STX8: variants seen among roughly 807,000 people sequenced by gnomAD.
STX8 encodes the protein syntaxin-8.
In STX8, 23 loss-of-function variants were observed where a neutral mutation model predicts 37.5. That is an observed-to-expected ratio of 0.61 (90% CI 0.44 to 0.87). The LOEUF (loss-of-function observed/expected upper bound fraction) is 0.87. STX8 is among the 40% of genes least tolerant of loss of function. The pLI, the probability that STX8 is intolerant of heterozygous loss-of-function variation, is 0.00. For synonymous variants in STX8, 115 were observed against 99.1 expected (o/e 1.16, Z -0.95); for missense variants, 313 against 284.7 (o/e 1.10, Z -0.71).
intron 6 of STX8, among the ~76,000 whole-genome samples, chr17:9,436,218 G>A (rs1207141742): frequency 5.3e-5 from 8 of 151,710 alleles, no homozygotes; most frequent in East Asian, 1.9e-4. Flanking sequence ...GGTGACGGGC[G>A]CCTGTAGTCC....
At chr17:9,287,998 T>A (rs2142159752) in intron 7 of STX8, among the ~76,000 whole-genome samples, 1 of 147,116 alleles carries the variant, frequency 6.8e-6, no homozygotes, top group South Asian at 2.2e-4. Context: ...TCCACCCGCC[T>A]CGGCTTCCCA....
chr17:9,528,681 A>G (rs922968366), intron 4 of STX8, among the ~76,000 whole-genome samples: 2 of 152,228 alleles, frequency 1.3e-5, no homozygotes, highest in African/African-American at 4.8e-5. Flanking sequence ...TCATTTCCCC[A>G]TGATGGAAGC....
At chr17:9,419,086 A>T (rs1466592055) in intron 6 of STX8, among the ~76,000 whole-genome samples, 2 of 151,070 alleles carry the variant, frequency 1.3e-5, no homozygotes, top group African/African-American at 2.4e-5. Context: ...ATCATCCCTA[A>T]TTTTTTTCAA....
chr17:9,541,092 C>T (rs1460244072), intron 4 of STX8, among the ~76,000 whole-genome samples: 4 of 152,196 alleles, frequency 2.6e-5, no homozygotes, highest in African/African-American at 4.8e-5. Context: ...CACTAACCTG[C>T]CAAATTCCCT....
At chr17:9,381,246 G>GTTT (rs11421158) in intron 6 of STX8, among the ~76,000 whole-genome samples, 18 of 142,934 alleles carry the variant, frequency 1.3e-4, no homozygotes, top group African/African-American at 4.6e-4. Context: ...TTTTCATTTT[G>GTTT]TTTTTTTTTT....
chr17:9,531,204 T>C (rs1232118936), intron 4 of STX8, among the ~76,000 whole-genome samples: 1 of 152,250 alleles, frequency 6.6e-6, no homozygotes, highest in African/African-American at 2.4e-5. Context: ...TAACTGGTCA[T>C]GTGAGTCCTC....
intron 7 of STX8, among the ~76,000 whole-genome samples, chr17:9,268,593 T>C (rs1567760954): frequency 6.6e-6 from 1 of 152,200 alleles, no homozygotes; most frequent in Non-Finnish European, 1.5e-5. Flanking sequence ...GAACAGCAGA[T>C]TATCTGAGGA....
At chr17:9,412,269 A>T (rs1913004897) in intron 6 of STX8, among the ~76,000 whole-genome samples, 1 of 152,022 alleles carries the variant, frequency 6.6e-6, no homozygotes, top group South Asian at 2.1e-4. Context: ...CTTGTAACTA[A>T]TCACAGCAGC....
chr17:9,360,486 TCG>T lies in STX8; in HGVS notation c.643+18064_643+18065del, dbSNP rs1911027009. ...CCTGACCTCAGGTGATCTGCCTGCC[TCG>T]GCCTCCCAAAGTGCTGGGATTACAG... On this transcript the variant is annotated intron_variant, in intron 7 of 7. Coordinates refer to ENST00000306357, the MANE Select transcript of STX8 (RefSeq NM_004853.3). Among the ~76,000 whole-genome samples, 3 of 152,084 alleles carry T rather than the reference TCG, an allele frequency of 2.0e-5. No homozygotes were observed. The South Asian group carries it at 6.2e-4, about 32-fold the overall frequency.
chr17:9,432,809 A>C (rs1457024386), intron 6 of STX8, among the ~76,000 whole-genome samples: 1 of 152,170 alleles, frequency 6.6e-6, no homozygotes, highest in African/African-American at 2.4e-5. Context: ...TTTCCCTCTA[A>C]CCTTCTGTGT....
At chr17:9,429,463 G>T (rs1799929271) in intron 6 of STX8, among the ~76,000 whole-genome samples, 2 of 144,362 alleles carry the variant, frequency 1.4e-5, no homozygotes, top group Non-Finnish European at 3.0e-5. Context: ...CAGCACTTTG[G>T]GAGGCCTAGG....
At chr17:9,371,352 G>C (rs1911394762) in intron 7 of STX8, among the ~76,000 whole-genome samples, 1 of 152,156 alleles carries the variant, frequency 6.6e-6, no homozygotes, top group Non-Finnish European at 1.5e-5. Context: ...ATTGCCCTGT[G>C]AATGGTAATT....
chr17:9,332,111 T>A (rs138717712), intron 7 of STX8, among the ~76,000 whole-genome samples: 22 of 152,348 alleles, frequency 1.4e-4, no homozygotes, highest in African/African-American at 5.1e-4. Context: ...GTTTCTTCAG[T>A]CCTGACTGCT....
intron 7 of STX8, among the ~76,000 whole-genome samples, chr17:9,345,858 T>TTTTTTTTTTTTTC (rs1910514739): frequency 1.6e-5 from 2 of 125,178 alleles, no homozygotes; most frequent in Non-Finnish European, 3.4e-5. Flanking sequence ...CTTTTTTTTT[T>TTTTTTTTTTTTTC]TTTTTTTTTT....
rs149633712 is a variant in STX8 at position 9,259,866 on chromosome 17, G to C, written c.644-9221C>G. On this transcript the variant is annotated intron_variant, in intron 7 of 7. Transcript: ENST00000306357. ...GAGAGGAACCCAGGGGCCCCTAGGG[G>C]AGCCTGTGCGTCTGGCCATGCTGCA... 5.4e-3 allele frequency among the ~76,000 whole-genome samples: 822 copies of C among 152,236 alleles called. 6 individuals are homozygous for C. Among genetic ancestry groups the C allele is most frequent in the South Asian group, 0.028 (134 of 4,814 alleles).
At chr17:9,409,472 G>T (rs1597653802) in intron 6 of STX8, among the ~76,000 whole-genome samples, 1 of 152,034 alleles carries the variant, frequency 6.6e-6, no homozygotes, top group Non-Finnish European at 1.5e-5. Flanking sequence ...CTTTATAGCC[G>T]CCTATTTTAT....
At chr17:9,447,468 G>T (rs1311729560) in intron 6 of STX8, among the ~76,000 whole-genome samples, 1 of 152,168 alleles carries the variant, frequency 6.6e-6, no homozygotes, top group Non-Finnish European at 1.5e-5. Context: ...TGTTGCCCAG[G>T]CTGCAGTGCA....
chr17:9,473,220 T>C (rs1905953121), intron 6 of STX8, among the ~76,000 whole-genome samples: 1 of 151,960 alleles, frequency 6.6e-6, no homozygotes, highest in Non-Finnish European at 1.5e-5. Context: ...GGTTTCACCA[T>C]GTTGGCCAGG....
At chr17:9,476,849 TTTTC>T (rs1383225754) in intron 6 of STX8, among the ~76,000 whole-genome samples, 2 of 151,878 alleles carry the variant, frequency 1.3e-5, no homozygotes, top group African/African-American at 4.8e-5. Flanking sequence ...ACGTGCCTCT[TTTTC>T]TTTTTTTTGT....
Sources: gnomAD v4.1 joint callset for allele counts (sites outside exome capture counted in the v4.1 genomes callset) on GRCh38, gnomAD v4.1.1 for gene constraint, MANE v1.5 for transcripts, NCBI Gene and HGNC (gene_info 2026-07-23, HGNC 2026-07-21) for gene names.